Variants in ADARB1 observed in about 807,000 individuals in gnomAD.
ADARB1 encodes double-stranded RNA-specific editase 1.
Under a neutral mutation model 52.4 loss-of-function variants are expected in ADARB1, and 10 were observed. The ratio of observed to expected loss-of-function variants is 0.19; its 90% CI spans 0.12 to 0.32. The LOEUF (loss-of-function observed/expected upper bound fraction) is 0.32. Ranked by LOEUF, ADARB1 falls within the 10% of genes least tolerant of loss-of-function variation. The pLI is 1.00. For synonymous variants in ADARB1, 349 were observed against 371.1 expected, an observed-to-expected ratio of 0.94 and a Z score of 0.68; for missense variants, 643 against 922.3, an observed-to-expected ratio of 0.70 and a Z score of 3.92.
chr21:45,097,493 G>C (rs1448958931), intron 1 of ADARB1, among the ~76,000 whole-genome samples: 1 of 151,802 alleles, frequency 6.6e-6, no homozygotes, highest in Admixed American at 6.6e-5. Flanking sequence ...CATGAACTCA[G>C]AGTTGTGCCG....
At chr21:45,214,983 G>T (rs891849786) in intron 9 of ADARB1, among the ~76,000 whole-genome samples, 9 of 152,162 alleles carry the variant, frequency 5.9e-5, no homozygotes, top group African/African-American at 2.2e-4. Context: ...TCTCTTACAT[G>T]TCATCTTGGG....
At chr21:45,102,271 G>A (rs376867174) in intron 1 of ADARB1, among the ~76,000 whole-genome samples, 1 of 152,068 alleles carries the variant, frequency 6.6e-6, no homozygotes, top group African/African-American at 2.4e-5. Context: ...TCAGCACAAG[G>A]GTTTAAAATA....
intron 2 of ADARB1, among the ~76,000 whole-genome samples, chr21:45,156,214 TCCAC>T (rs1213844449): frequency 1.0e-3 from 45 of 43,276 alleles, no homozygotes; most frequent in Middle Eastern, 0.024. Context: ...CATCCATCCA[TCCAC>T]CCACCCACCC....
rs1199265358 is a variant in ADARB1, at chr21:45,175,971, G to A, written c.270G>A (p.Lys90=). The A allele has an allele frequency of 6.2e-7, 1 of 1,613,248 alleles. No individual in the cohort carries two copies. The change falls in exon 4 of 11, where the codon AAG becomes AAA. Residue 90 remains lysine (K), a synonymous_variant. Transcript: ENST00000348831. The stretch of plus-strand genomic sequence containing the variant: ...CCCTGATGCAGCTGAATGAGATCAA[G>A]CCTGGTTTGCAGTACACACTCCTGT... ...KNALMQLNEI[K]PGLQYTLLSQ...
intron 5 of ADARB1, among the ~76,000 whole-genome samples, chr21:45,181,299 T>G (rs1268472845): frequency 6.6e-6 from 1 of 152,220 alleles, no homozygotes; most frequent in Non-Finnish European, 1.5e-5. Flanking sequence ...CCCTCTTCAC[T>G]GACCCACCTC....
At chr21:45,112,160 T>TC (rs768780929) in intron 1 of ADARB1, among the ~76,000 whole-genome samples, 4 of 152,216 alleles carry the variant, frequency 2.6e-5, no homozygotes, top group Non-Finnish European at 4.4e-5. Flanking sequence ...AGCTACAGCC[T>TC]CTGTCATCAG....
At chr21:45,156,837 A>G (rs2090683333) in intron 2 of ADARB1, among the ~76,000 whole-genome samples, 1 of 152,106 alleles carries the variant, frequency 6.6e-6, no homozygotes, top group Non-Finnish European at 1.5e-5. Context: ...TTGTTCTGGA[A>G]TGGGCCACCT....
chr21:45,208,335 A>G lies in ADARB1; in HGVS notation c.1747+3599A>G, dbSNP rs936254098. ...CCTATCCTGCTGGTTTTCATGTTGA[A>G]TGTTGGCACGAAACGTTAACAAACA... On this transcript the variant is annotated intron_variant, in intron 9 of 10. Coordinates refer to ENST00000348831, the MANE Select transcript of ADARB1 (RefSeq NM_001112.4). The surrounding 1 kb of genome is among the most constrained non-coding windows in gnomAD (Gnocchi z 5.6). Among the ~76,000 whole-genome samples the G allele has an allele frequency of 1.2e-4, 19 of 152,200 alleles. No individual in the cohort carries two copies. Among genetic ancestry groups the G allele is most frequent in the African/African-American group, 4.6e-4 (19 of 41,464 alleles).
chr21:45,218,480 T>C (rs1602057777), intron 9 of ADARB1, among the ~76,000 whole-genome samples: 2 of 152,242 alleles, frequency 1.3e-5, no homozygotes, highest in South Asian at 4.1e-4. Flanking sequence ...CAGCCTTGAT[T>C]GAGTAACATG....
rs780709447 is a variant in ADARB1 at position 45,185,108 on chromosome 21, C to T, written c.1565+17C>T. 47 of 1,611,190 alleles carry T rather than the reference C, an allele frequency of 2.9e-5. No individual in the cohort carries two copies. Among genetic ancestry groups the T allele is most frequent in the Non-Finnish European group, 3.8e-5 (45 of 1,178,326 alleles). On this transcript the variant is annotated intron_variant, in intron 8 of 10. Transcript: ENST00000348831. ...GATTGCACGGTAAGGGGCGGGGGCT[C>T]CCTGTGGCCACCTCCCTGCACACAG... is the stretch of plus-strand genomic sequence containing the variant.
At chr21:45,199,815 C>T (rs938549375) in intron 8 of ADARB1, among the ~76,000 whole-genome samples, 4 of 152,212 alleles carry the variant, frequency 2.6e-5, no homozygotes, top group African/African-American at 9.7e-5. Flanking sequence ...TACAGGCTGA[C>T]TCCTGCACCT....
chr21:45,088,846 G>A (rs992532649), intron 1 of ADARB1, among the ~76,000 whole-genome samples: 1 of 152,210 alleles, frequency 6.6e-6, no homozygotes, highest in African/African-American at 2.4e-5. Flanking sequence ...CACATGGCAT[G>A]TGCTCTGTCA....
At chr21:45,095,391 TC>T (rs1245744203) in intron 1 of ADARB1, among the ~76,000 whole-genome samples, 13 of 152,256 alleles carry the variant, frequency 8.5e-5, no homozygotes, top group African/African-American at 3.1e-4. Context: ...CCTTTCAGCT[TC>T]CTGCAGTGAC....
chr21:45,194,306 A>T (rs1336765091), intron 8 of ADARB1, among the ~76,000 whole-genome samples: 1 of 152,226 alleles, frequency 6.6e-6, no homozygotes, highest in African/African-American at 2.4e-5. Flanking sequence ...CCCACAGTTT[A>T]CAATGGGGCT....
chr21:45,164,198 A>G (rs2091135950), intron 2 of ADARB1, among the ~76,000 whole-genome samples: 1 of 152,192 alleles, frequency 6.6e-6, no homozygotes, highest in African/African-American at 2.4e-5. Flanking sequence ...TACGGCACTC[A>G]GAGGATTGGT....
intron 1 of ADARB1, among the ~76,000 whole-genome samples, chr21:45,098,856 A>G (rs2086881184): frequency 6.6e-6 from 1 of 152,152 alleles, no homozygotes; most frequent in South Asian, 2.1e-4. Flanking sequence ...CTTCTCTGGC[A>G]TTGACTGGAC....
chr21:45,085,441 ACAGTTTC>A (rs2086302384), intron 1 of ADARB1, among the ~76,000 whole-genome samples: 1 of 152,206 alleles, frequency 6.6e-6, no homozygotes, highest in African/African-American at 2.4e-5. Flanking sequence ...AACAGAGGTT[ACAGTTTC>A]CAGAAACTTC....
At chr21:45,219,582 A>C (rs2146452466) in intron 9 of ADARB1, among the ~76,000 whole-genome samples, 1 of 152,284 alleles carries the variant, frequency 6.6e-6, no homozygotes, top group South Asian at 2.1e-4. Flanking sequence ...TTCTTACATT[A>C]GTAACTGAAG....
Position 45,222,701 on chromosome 21 carries a change from ATAG to A in ADARB1, c.*508_*510del, listed in dbSNP as rs1325641288. The A allele has an allele frequency of 3.0e-5, 30 of 986,454 alleles. No homozygotes were observed. The highest frequency in any genetic ancestry group is 4.7e-5 in the South Asian group (1 of 21,342). The allele number at this position is 986,454 out of a possible 1,614,324, so 61.1% of individuals were successfully genotyped here. A position where few individuals can be genotyped will look rare whatever the true frequency, so the allele number is the denominator to read the frequency against. The stretch of plus-strand genomic sequence containing the variant: ...GAGGGTGGGAAAATAGAGGTAGGAA[ATAG>A]TAGCCTAAAGGAAATCGCCACACGT... On this transcript the variant is annotated 3_prime_UTR_variant, in exon 11 of 11. Transcript: ENST00000348831.
Sources: gnomAD v4.1 joint callset for allele counts (sites outside exome capture counted in the v4.1 genomes callset) on GRCh38, gnomAD v4.1.1 for gene constraint, Gnocchi (gnomAD v3.1) non-coding constraint, MANE v1.5 for transcripts, NCBI Gene and HGNC (gene_info 2026-07-23, HGNC 2026-07-21) for gene names.